GXYLT1: variants seen among roughly 807,000 people sequenced by gnomAD.
GXYLT1 encodes the protein glucoside xylosyltransferase 1, also known as glycosyltransferase 8 domain containing 3.
Under a neutral mutation model 54.0 loss-of-function variants are expected in GXYLT1, and 29 were observed. The observed-to-expected ratio is 0.54, with a 90% confidence interval of 0.40 to 0.73. GXYLT1 has a LOEUF of 0.73. Ranked by LOEUF, GXYLT1 falls within the 30% of genes least tolerant of loss-of-function variation. The pLI, the probability that GXYLT1 is intolerant of heterozygous loss-of-function variation, is 0.00. For synonymous variants in GXYLT1, 176 were observed against 204.1 expected, an observed-to-expected ratio of 0.86 and a Z score of 1.17; for missense variants, 490 against 553.4, an observed-to-expected ratio of 0.89 and a Z score of 1.15.
At chr12:42,097,845 T>C (rs2065365215) in intron 6 of GXYLT1, 65 bp downstream of exon 6, 7 of 1,252,968 alleles carry the variant, frequency 5.6e-6, no homozygotes, top group Non-Finnish European at 7.9e-6. Flanking sequence ...AGTGCATGTT[T>C]TCCTTTTTCA....
chr12:42,100,206 A>G (rs2065381908), intron 5 of GXYLT1, among the ~76,000 whole-genome samples: 1 of 152,212 alleles, frequency 6.6e-6, no homozygotes, highest in Non-Finnish European at 1.5e-5. Context: ...GGGACTATCC[A>G]GAGTAAAAAC....
At chr12:42,116,167 C>A (rs889415215) in intron 3 of GXYLT1, among the ~76,000 whole-genome samples, 2 of 151,708 alleles carry the variant, frequency 1.3e-5, no homozygotes, top group African/African-American at 4.8e-5. Flanking sequence ...GACCTAAAAC[C>A]ATAAAAACCC....
At position 42,144,657 on chromosome 12, in the gene GXYLT1, G is replaced by T. The variant is rs938115072; in HGVS notation, c.-11C>A. 2.3e-6 allele frequency: 3 copies of T among 1,324,150 alleles called. No individual in the cohort carries two copies. In the African/African-American group the frequency reaches 4.6e-5, roughly 20 times the overall value. The allele number at this position is 1,324,150 out of a possible 1,614,324, so 82.0% of individuals were successfully genotyped here. A position where few individuals can be genotyped will look rare whatever the true frequency, so the allele number is the denominator to read the frequency against. On this transcript the variant is annotated 5_prime_UTR_variant, in exon 1 of 8. Transcript: ENST00000398675. Reference sequence around the variant, plus strand: ...CAGGTAGCGCCGCATCGCCCCGGCCGCGCTCCTCCTTCGCCGCCGCCGCCG... The same window carrying T: ...CAGGTAGCGCCGCATCGCCCCGGCCTCGCTCCTCCTTCGCCGCCGCCGCCG...
chr12:42,101,619 T>C (rs1037630511), intron 5 of GXYLT1, among the ~76,000 whole-genome samples: 1 of 152,014 alleles, frequency 6.6e-6, no homozygotes, highest in Non-Finnish European at 1.5e-5. Context: ...TCGCCCAGGC[T>C]GGAGTGCAGT....
chr12:42,092,564 G>A (rs1331102243), intron 7 of GXYLT1, among the ~76,000 whole-genome samples: 2 of 152,012 alleles, frequency 1.3e-5, no homozygotes, highest in Non-Finnish European at 2.9e-5. Context: ...TTACATAAAA[G>A]GGGACTAATA....
intron 7 of GXYLT1, among the ~76,000 whole-genome samples, chr12:42,094,770 A>G (rs1213656585): frequency 6.6e-6 from 1 of 152,234 alleles, no homozygotes; most frequent in Non-Finnish European, 1.5e-5. Flanking sequence ...AATGTATATC[A>G]CAGGAAAAGT....
chr12:42,140,202 G>T (rs1243388893), intron 1 of GXYLT1, among the ~76,000 whole-genome samples: 5 of 59,548 alleles, frequency 8.4e-5, no homozygotes, highest in Non-Finnish European at 2.0e-4. Context: ...AAAAAAGGCG[G>T]GGGGGGGGGG....
chr12:42,121,358 A>G (rs1042488587), intron 2 of GXYLT1, among the ~76,000 whole-genome samples: 3 of 152,198 alleles, frequency 2.0e-5, no homozygotes, highest in Admixed American at 2.0e-4. Flanking sequence ...AAGGCCGGGC[A>G]TGGTGGCTAA....
intron 4 of GXYLT1, among the ~76,000 whole-genome samples, chr12:42,107,459 G>A (rs1329068240): frequency 6.6e-6 from 1 of 152,206 alleles, no homozygotes; most frequent in Non-Finnish European, 1.5e-5. Flanking sequence ...GGGAGGCTGA[G>A]GCGGGCAGAT....
chr12:42,142,974 A>G (rs1424191308), intron 1 of GXYLT1, among the ~76,000 whole-genome samples: 1 of 152,208 alleles, frequency 6.6e-6, no homozygotes, highest in Non-Finnish European at 1.5e-5. Context: ...CCTGACACAT[A>G]AAACTTAACG....
chr12:42,102,194 C>A (rs2065394233), intron 5 of GXYLT1, among the ~76,000 whole-genome samples: 1 of 152,138 alleles, frequency 6.6e-6, no homozygotes. Context: ...CCTATACATA[C>A]ATATAAAATT....
At chr12:42,100,155 G>C (rs2065381534) in intron 5 of GXYLT1, among the ~76,000 whole-genome samples, 1 of 152,084 alleles carries the variant, frequency 6.6e-6, no homozygotes, top group African/African-American at 2.4e-5. Flanking sequence ...TGTTGGAAGG[G>C]GTAGAAGTGA....
chr12:42,114,306 A>G (rs887568215), intron 3 of GXYLT1, among the ~76,000 whole-genome samples: 2 of 152,238 alleles, frequency 1.3e-5, no homozygotes, highest in African/African-American at 4.8e-5. Context: ...AAACAGAGAC[A>G]CAAAAAACAC....
At chr12:42,133,644 C>G (rs936865936) in intron 1 of GXYLT1, among the ~76,000 whole-genome samples, 1 of 152,238 alleles carries the variant, frequency 6.6e-6, no homozygotes, top group African/African-American at 2.4e-5. Flanking sequence ...ATCCGGTTCA[C>G]AGTCCTCGTC....
At chr12:42,135,473 T>G (rs2065614671) in intron 1 of GXYLT1, among the ~76,000 whole-genome samples, 1 of 152,164 alleles carries the variant, frequency 6.6e-6, no homozygotes, top group Non-Finnish European at 1.5e-5. Context: ...CAGTATATAC[T>G]CAAGAGAACT....
intron 1 of GXYLT1, among the ~76,000 whole-genome samples, chr12:42,135,523 A>T (rs1257306218): frequency 2.0e-5 from 3 of 152,248 alleles, no homozygotes; most frequent in Non-Finnish European, 4.4e-5. Context: ...GAATGCTCAG[A>T]GCAGCATTAT....
intron 1 of GXYLT1, among the ~76,000 whole-genome samples, chr12:42,133,991 G>A (rs1369438523): frequency 6.6e-6 from 1 of 151,966 alleles, no homozygotes; most frequent in African/African-American, 2.4e-5. Context: ...GAGCCCAGGA[G>A]TTCAACACCA....
chr12:42,096,140 G>GA (rs1443592112), intron 7 of GXYLT1, among the ~76,000 whole-genome samples: 1 of 152,180 alleles, frequency 6.6e-6, no homozygotes, highest in Non-Finnish European at 1.5e-5. Context: ...TGGAATTAGA[G>GA]AATCAGGTGT....
chr12:42,135,766 G>T (rs138396637), intron 1 of GXYLT1, among the ~76,000 whole-genome samples: 1 of 152,330 alleles, frequency 6.6e-6, no homozygotes, highest in East Asian at 1.9e-4. Context: ...ACAGAAAGTA[G>T]ACTCGTGGTT....
Sources: allele counts gnomAD v4.1 joint callset (sites outside exome capture counted in the v4.1 genomes callset), GRCh38; gene constraint gnomAD v4.1.1; transcripts MANE v1.5; gene names NCBI Gene and HGNC (gene_info 2026-07-23, HGNC 2026-07-21).